Variants in KSR2 observed in about 807,000 individuals in gnomAD.
KSR2 encodes the protein kinase suppressor of ras 2.
KSR2 carries 25 observed loss-of-function variants against 107.8 expected under a neutral mutation model. The observed-to-expected ratio is 0.23, with a 90% CI of 0.17 to 0.32. The LOEUF is 0.32. Ranked by LOEUF, KSR2 falls within the 10% of genes least tolerant of loss-of-function variation. KSR2 has a pLI of 1.00. For missense variants in KSR2, 887 were observed against 1,268.9 expected (o/e 0.70, Z 4.57); for synonymous variants, 480 against 507.0 (o/e 0.95, Z 0.71).
intron 1 of KSR2, among the ~76,000 whole-genome samples, chr12:117,905,275 A>G (rs900226801): frequency 3.9e-5 from 6 of 152,220 alleles, no homozygotes; most frequent in African/African-American, 1.4e-4. Flanking sequence ...AAAAACGTGT[A>G]TTCAAGCTAA....
intron 18 of KSR2, 44 bp from the exon 19 acceptor site, chr12:117,469,839 T>A: frequency 6.2e-7 from 1 of 1,601,042 alleles, no homozygotes; most frequent in Admixed American, 1.7e-5. Flanking sequence ...AATGGTGATT[T>A]CTTGATTACT....
chr12:117,947,014 A>G (rs1484728490), intron 1 of KSR2, among the ~76,000 whole-genome samples: 2 of 151,200 alleles, frequency 1.3e-5, no homozygotes, highest in Admixed American at 1.3e-4. Flanking sequence ...AAAATACAAA[A>G]AAAAATTAGC....
intron 4 of KSR2, among the ~76,000 whole-genome samples, chr12:117,685,236 C>G (rs895995961): frequency 2.0e-5 from 3 of 152,160 alleles, no homozygotes; most frequent in African/African-American, 7.2e-5. Flanking sequence ...TTCCTGCATC[C>G]CTGTGATTAG....
chr12:117,707,397 G>A (rs913941430), intron 4 of KSR2, among the ~76,000 whole-genome samples: 2 of 152,102 alleles, frequency 1.3e-5, no homozygotes, highest in Admixed American at 6.5e-5. Flanking sequence ...TGAATTGTGT[G>A]GTGTGCAAAC....
chr12:117,621,967 C>T (rs895352131), intron 5 of KSR2, among the ~76,000 whole-genome samples: 1 of 152,098 alleles, frequency 6.6e-6, no homozygotes, highest in African/African-American at 2.4e-5. Context: ...ATTCCATGGG[C>T]ACCTTATGGA....
At chr12:117,770,667 A>C (rs1889409883) in intron 3 of KSR2, among the ~76,000 whole-genome samples, 1 of 151,952 alleles carries the variant, frequency 6.6e-6, no homozygotes, top group African/African-American at 2.4e-5. Context: ...CCTGTAAAGT[A>C]GATGTTATTG....
At chr12:117,674,584 T>C (rs1364515764) in intron 4 of KSR2, among the ~76,000 whole-genome samples, 1 of 152,142 alleles carries the variant, frequency 6.6e-6, no homozygotes, top group Non-Finnish European at 1.5e-5. Context: ...GGACATTGCA[T>C]ATAAATGGAA....
intron 3 of KSR2, among the ~76,000 whole-genome samples, chr12:117,801,894 G>GAATT (rs1193891674): frequency 6.6e-6 from 1 of 152,132 alleles, no homozygotes; most frequent in Non-Finnish European, 1.5e-5. Context: ...TGGGGCTGAA[G>GAATT]AATTGTATAT....
At position 117,846,071 on chromosome 12, in the gene KSR2, C is replaced by A. The variant is rs563697690; in HGVS notation, c.472+9357G>T. ...CCTGCCCTTCCTAACAAACAGCCTG[C>A]CCTTCCTAACAGCCTGCCCTACAGA... On this transcript the variant is annotated intron_variant, in intron 3 of 19. Transcript: ENST00000339824. 2.0e-5 allele frequency among the ~76,000 whole-genome samples: 3 copies of A among 151,900 alleles called. No individual in the cohort carries two copies. In the South Asian group the frequency reaches 6.2e-4, roughly 32 times the overall value.
intron 13 of KSR2, 109 bp from the exon 14 acceptor site, chr12:117,525,328 A>T: frequency 8.0e-7 from 1 of 1,245,992 alleles, no homozygotes; most frequent in Non-Finnish European, 1.1e-6. Flanking sequence ...ACATCTCTAC[A>T]TGCATTTGGA....
chr12:117,824,254 CAGGGGG>C (rs941180212), intron 3 of KSR2, among the ~76,000 whole-genome samples: 4 of 132,166 alleles, frequency 3.0e-5, no homozygotes, highest in African/African-American at 1.2e-4. Flanking sequence ...TAGGAAGGGG[CAGGGGG>C]AGGGGGAGGG....
In KSR2 at chr12:117,731,806, T is replaced by C. The variant is rs561953082; in HGVS notation, c.986+29205A>G. Reference sequence around the variant, plus strand: ...TAAATGGATTAAGGGCGGTGCAAGATGTGCTTTGTTAAACAGATGCTTGAA... The same window carrying C: ...TAAATGGATTAAGGGCGGTGCAAGACGTGCTTTGTTAAACAGATGCTTGAA... On this transcript the variant is annotated intron_variant, in intron 4 of 19. Coordinates refer to ENST00000339824, the MANE Select transcript of KSR2 (RefSeq NM_173598.6). Among the ~76,000 whole-genome samples, 158 of 150,890 alleles carry C rather than the reference T, an allele frequency of 1.0e-3. 1 individual carries two copies. Among genetic ancestry groups the C allele is most frequent in the Middle Eastern group, 6.8e-3 (2 of 294 alleles).
intron 3 of KSR2, among the ~76,000 whole-genome samples, chr12:117,772,195 G>A (rs111205080): frequency 1.2e-3 from 107 of 86,172 alleles, no homozygotes; most frequent in African/African-American, 4.7e-3. Flanking sequence ...CCCCAAAGAC[G>A]CACAAACACA....
chr12:117,861,618 G>A (rs577323734), intron 1 of KSR2, among the ~76,000 whole-genome samples: 1 of 151,632 alleles, frequency 6.6e-6, no homozygotes, highest in Admixed American at 6.6e-5. Flanking sequence ...TCGATCTCCT[G>A]ACCTGGGGAT....
intron 14 of KSR2, among the ~76,000 whole-genome samples, chr12:117,513,350 T>A (rs1874153990): frequency 6.6e-6 from 1 of 152,180 alleles, no homozygotes; most frequent in Admixed American, 6.5e-5. Flanking sequence ...ATCTTAAACA[T>A]GATCAGGCAG....
chr12:117,792,886 CACA>C (rs1016868784), intron 3 of KSR2, among the ~76,000 whole-genome samples: 2 of 151,908 alleles, frequency 1.3e-5, no homozygotes, highest in Non-Finnish European at 2.9e-5. Context: ...TGCACACACA[CACA>C]ACATGCAGAC....
At chr12:117,686,567 T>A (rs922903670) in intron 4 of KSR2, among the ~76,000 whole-genome samples, 1 of 151,994 alleles carries the variant, frequency 6.6e-6, no homozygotes, top group African/African-American at 2.4e-5. Context: ...AACACCTGGA[T>A]AAAAAAGCTC....
chr12:117,686,215 A>ATTTTTTTTTTTTTTT (rs55772468), intron 4 of KSR2, among the ~76,000 whole-genome samples: 2 of 78,042 alleles, frequency 2.6e-5, no homozygotes, highest in African/African-American at 6.8e-5. Context: ...CACCCAGCTA[A>ATTTTTTTTTTTTTTT]TTTTTTTTTT....
chr12:117,768,066 C>T (rs948678651), intron 3 of KSR2, among the ~76,000 whole-genome samples: 2 of 152,084 alleles, frequency 1.3e-5, no homozygotes, highest in Non-Finnish European at 2.9e-5. Flanking sequence ...ACCCTAGTCC[C>T]GTGGTCATGC....
Sources: allele counts gnomAD v4.1 joint callset (sites outside exome capture counted in the v4.1 genomes callset), GRCh38; gene constraint gnomAD v4.1.1; transcripts MANE v1.5; gene names NCBI Gene and HGNC (gene_info 2026-07-23, HGNC 2026-07-21).